The following RB1 variants were observed in gnomAD, a reference collection of about 807,000 sequenced individuals.
RB1 encodes RB transcriptional corepressor 1, also known as retinoblastoma-associated protein.
RB1 carries 18 observed loss-of-function variants against 135.4 expected under a neutral mutation model. The observed-to-expected ratio is 0.13, with a 90% CI of 0.09 to 0.20. The LOEUF is 0.20. Among genes scored for constraint, RB1 ranks in the 10% least tolerant of loss-of-function variants. RB1 has a pLI of 1.00. For missense variants in RB1, 868 were observed against 1,110.0 expected (o/e 0.78, Z 3.10); for synonymous variants, 365 against 373.2 (o/e 0.98, Z 0.25).
At chr13:48,382,656 C>G (rs1253366250) in intron 17 of RB1, among the ~76,000 whole-genome samples, 1 of 152,162 alleles carries the variant, frequency 6.6e-6, no homozygotes, top group Admixed American at 6.5e-5. Flanking sequence ...CCTGTTCACT[C>G]TGATCGTAGT....
At chr13:48,431,125 C>T (rs749545164) in intron 17 of RB1, among the ~76,000 whole-genome samples, 2 of 122,704 alleles carry the variant, frequency 1.6e-5, no homozygotes, top group Admixed American at 9.3e-5. Flanking sequence ...GGAAACAAGT[C>T]TGTTAGAACA....
intron 1 of RB1, 42 bp downstream of exon 1, chr13:48,304,091 C>A: frequency 7.3e-7 from 1 of 1,378,082 alleles, no homozygotes; most frequent in Non-Finnish European, 9.3e-7. Flanking sequence ...GGGAAGGGCG[C>A]CCCGGGTGTG....
intron 2 of RB1, among the ~76,000 whole-genome samples, chr13:48,330,399 TAAAC>T (rs556736534): frequency 6.3e-4 from 96 of 151,578 alleles, no homozygotes; most frequent in Middle Eastern, 3.4e-3. Flanking sequence ...TTTGAAAAGA[TAAAC>T]AAAATTGATA....
intron 17 of RB1, among the ~76,000 whole-genome samples, chr13:48,451,020 A>G (rs534144394): frequency 6.6e-6 from 1 of 152,296 alleles, no homozygotes; most frequent in African/African-American, 2.4e-5. Flanking sequence ...ATTATTGCAC[A>G]TTGATTTTGT....
intron 17 of RB1, among the ~76,000 whole-genome samples, chr13:48,408,365 A>C (rs1593476181): frequency 6.6e-6 from 1 of 152,064 alleles, no homozygotes; most frequent in East Asian, 1.9e-4. Flanking sequence ...AGGATGCTGG[A>C]AAGCCATTTT....
At chr13:48,389,046 G>T (rs1201899448) in intron 17 of RB1, among the ~76,000 whole-genome samples, 1 of 152,084 alleles carries the variant, frequency 6.6e-6, no homozygotes, top group Non-Finnish European at 1.5e-5. Flanking sequence ...TGTAATTCTA[G>T]CTACTCGGGA....
At chr13:48,428,547 A>G (rs1443867929) in intron 17 of RB1, among the ~76,000 whole-genome samples, 1 of 152,280 alleles carries the variant, frequency 6.6e-6, no homozygotes, top group East Asian at 1.9e-4. Flanking sequence ...AACTTGGTCC[A>G]TAGCTTAGGT....
At chr13:48,327,186 T>A (rs1349111003) in intron 2 of RB1, among the ~76,000 whole-genome samples, 1 of 152,028 alleles carries the variant, frequency 6.6e-6, no homozygotes, top group East Asian at 1.9e-4. Flanking sequence ...TGTTAAATTT[T>A]TTTTTTTTGG....
intron 20 of RB1, 85 bp downstream of exon 20, chr13:48,459,918 T>TTTCCTTCTTTCCTTCTTTCCTTCTTTCC: frequency 2.0e-6 from 1 of 487,932 alleles, no homozygotes; most frequent in Non-Finnish European, 3.5e-6. Flanking sequence ...TCTTTCTTTC[T>TTTCCTTCTTTCCTTCTTTCCTTCTTTCC]TTCTTTCTTT....
intron 17 of RB1, among the ~76,000 whole-genome samples, chr13:48,437,665 C>T (rs1036816646): frequency 1.3e-5 from 2 of 152,148 alleles, no homozygotes; most frequent in East Asian, 1.9e-4. Flanking sequence ...TGAGCCTCTC[C>T]GTAGGGCTAC....
chr13:48,464,923 A>G, intron 21 of RB1, 75 bp from the exon 22 acceptor site: 1 of 1,451,702 alleles, frequency 6.9e-7, no homozygotes, highest in Non-Finnish European at 9.2e-7. Flanking sequence ...ATCTAAAGGT[A>G]GAAATTTTAA....
chr13:48,315,159 CT>C (rs1236000591), intron 2 of RB1, among the ~76,000 whole-genome samples: 1 of 152,038 alleles, frequency 6.6e-6, no homozygotes, highest in Admixed American at 6.5e-5. Context: ...ATTGATTCTT[CT>C]TATCCATGAG....
rs1340701855 is a variant in RB1, at chr13:48,363,955, T to C, written c.862-939T>C. 2.0e-5 allele frequency among the ~76,000 whole-genome samples: 3 copies of C among 152,194 alleles called. No individual in the cohort carries two copies. In the East Asian group the frequency reaches 5.8e-4, roughly 29 times the overall value. On this transcript the variant is annotated intron_variant, in intron 8 of 26. Transcript: ENST00000267163. Reference sequence around the variant, plus strand: ...ATTGTCCACAATCACTAACACCAGATAGCAGTAAAAAATGTTACATCTTTG... The same window carrying C: ...ATTGTCCACAATCACTAACACCAGACAGCAGTAAAAAATGTTACATCTTTG...
rs751497912 is a variant in RB1, at chr13:48,307,434, AT to A, written c.264+37del. The A allele has an allele frequency of 4.9e-5, 79 of 1,603,182 alleles. No individual in the cohort carries two copies. The East Asian group carries it at 1.2e-3, about 24-fold the overall frequency. On this transcript the variant is annotated intron_variant, in intron 2 of 26. Coordinates refer to ENST00000267163, the MANE Select transcript of RB1 (RefSeq NM_000321.3). ...AAGGATTTTCTTAAAACGTTTTGAA[AT>A]TTTTTTTTCTCATTTTAAAAACAAC...
intron 2 of RB1, chr13:48,317,811 C>T (rs1274536087): frequency 5.4e-6 from 2 of 367,612 alleles, no homozygotes; most frequent in Non-Finnish European, 1.0e-5. Flanking sequence ...CCCCCCTGGC[C>T]CACTGACTCC....
Position 48,457,820 on chromosome 13 carries a change from C to T in RB1, c.1960+1471C>T, listed in dbSNP as rs114223686. On this transcript the variant is annotated intron_variant, in intron 19 of 26. Coordinates refer to ENST00000267163, the MANE Select transcript of RB1 (RefSeq NM_000321.3). ...CCCAGGCTCAGCCCTGACTTTGCTC[C>T]GAGATTGGAGTGGGCGCTGGCAGCA... Among the ~76,000 whole-genome samples, 352 of 152,336 alleles carry T rather than the reference C, an allele frequency of 2.3e-3. 1 individual carries two copies. The highest frequency in any genetic ancestry group is 7.7e-3 in the African/African-American group (321 of 41,582).
At chr13:48,352,346 G>C (rs1952555511) in intron 6 of RB1, among the ~76,000 whole-genome samples, 1 of 151,502 alleles carries the variant, frequency 6.6e-6, no homozygotes, top group Admixed American at 6.6e-5. Context: ...CTCTTTTTTG[G>C]TTCCAGTTGA....
chr13:48,335,047 C>T (rs550454561), intron 2 of RB1, among the ~76,000 whole-genome samples: 1 of 151,966 alleles, frequency 6.6e-6, no homozygotes, highest in Admixed American at 6.6e-5. Context: ...GAAAACTGTT[C>T]GTAATCCTAC....
At chr13:48,318,759 C>A in intron 2 of RB1, 1 of 679,576 alleles carries the variant, frequency 1.5e-6, no homozygotes, top group South Asian at 1.6e-5. Context: ...GGCCTTGGGG[C>A]CACTGGTCTG....
Sources: allele counts gnomAD v4.1 joint callset (sites outside exome capture counted in the v4.1 genomes callset), GRCh38; gene constraint gnomAD v4.1.1; transcripts MANE v1.5; gene names NCBI Gene and HGNC (gene_info 2026-07-23, HGNC 2026-07-21).